Variants in PLCB1 observed in about 807,000 individuals in gnomAD.
PLCB1 encodes 1-phosphatidylinositol 4,5-bisphosphate phosphodiesterase beta-1.
A neutral mutation model predicts 161.8 loss-of-function variants in PLCB1; 46 were observed. That is an observed-to-expected ratio of 0.28 (90% CI 0.22 to 0.36). The LOEUF (loss-of-function observed/expected upper bound fraction) is 0.36. Among genes scored for constraint, PLCB1 ranks in the 10% least tolerant of loss-of-function variants. PLCB1 has a pLI of 1.00. For missense variants in PLCB1, 1,016 were observed against 1,472.5 expected (o/e 0.69, Z 5.07); for synonymous variants, 517 against 503.7 (o/e 1.03, Z -0.35).
intron 11 of PLCB1, among the ~76,000 whole-genome samples, chr20:8,702,460 G>C (rs1395550849): frequency 6.6e-6 from 1 of 152,140 alleles, no homozygotes; most frequent in African/African-American, 2.4e-5. Flanking sequence ...TATTAAATTA[G>C]AGTAGGTTAA....
chr20:8,260,555 G>A (rs1449942080), intron 2 of PLCB1, among the ~76,000 whole-genome samples: 2 of 152,102 alleles, frequency 1.3e-5, no homozygotes, highest in East Asian at 3.9e-4. Flanking sequence ...ACCACTTGCA[G>A]GATGGCCTGT....
At chr20:8,236,771 G>A (rs1980350167) in intron 2 of PLCB1, among the ~76,000 whole-genome samples, 1 of 151,884 alleles carries the variant, frequency 6.6e-6, no homozygotes, top group Non-Finnish European at 1.5e-5. Context: ...TTCTGTACTA[G>A]CCTTTATAAA....
At chr20:8,580,040 T>C (rs1003449038) in intron 3 of PLCB1, among the ~76,000 whole-genome samples, 3 of 152,146 alleles carry the variant, frequency 2.0e-5, no homozygotes, top group African/African-American at 7.2e-5. Context: ...CAGTAGAATA[T>C]TGGCCCTGAG....
At chr20:8,238,998 T>C (rs966414079) in intron 2 of PLCB1, among the ~76,000 whole-genome samples, 1 of 151,650 alleles carries the variant, frequency 6.6e-6, no homozygotes, top group African/African-American at 2.4e-5. Flanking sequence ...AGCATGTCTT[T>C]AGGTAGAGCA....
intron 24 of PLCB1, 79 bp downstream of exon 24, chr20:8,757,257 G>A: frequency 7.0e-7 from 1 of 1,427,512 alleles, no homozygotes; most frequent in Non-Finnish European, 9.4e-7. Context: ...GCGCTGTGAT[G>A]TGGGTAGCTA....
intron 3 of PLCB1, among the ~76,000 whole-genome samples, chr20:8,533,834 A>G (rs1489401844): frequency 1.3e-5 from 2 of 151,930 alleles, no homozygotes; most frequent in African/African-American, 4.8e-5. Flanking sequence ...CTCTGATGGT[A>G]GTTTCTTTTG....
intron 2 of PLCB1, among the ~76,000 whole-genome samples, chr20:8,349,463 T>C (rs1389380058): frequency 6.6e-6 from 1 of 152,220 alleles, no homozygotes; most frequent in Non-Finnish European, 1.5e-5. Flanking sequence ...AGGAAAATTG[T>C]GCAATTAGTG....
At chr20:8,683,657 A>G (rs990396057) in intron 9 of PLCB1, among the ~76,000 whole-genome samples, 5 of 152,186 alleles carry the variant, frequency 3.3e-5, no homozygotes, top group Admixed American at 3.3e-4. Context: ...AATTTTGTCA[A>G]TATTTAGTAT....
At chr20:8,409,341 A>G (rs1359058527) in intron 3 of PLCB1, among the ~76,000 whole-genome samples, 2 of 152,216 alleles carry the variant, frequency 1.3e-5, no homozygotes, top group African/African-American at 4.8e-5. Context: ...CCCATTCCAC[A>G]TAAACAACAT....
chr20:8,145,716 C>T lies in PLCB1; in HGVS notation c.100-4578C>T, dbSNP rs1187464331. Among the ~76,000 whole-genome samples the T allele has an allele frequency of 3.3e-5, 5 of 152,264 alleles. No homozygotes were observed. In the East Asian group the frequency reaches 9.6e-4, roughly 29 times the overall value. ...GAAGGTTTGGAGTTGCCCTGCCTAA[C>T]AGAAATATAGCGTGAGCCACACAGG... is the stretch of plus-strand genomic sequence containing the variant. On this transcript the variant is annotated intron_variant, in intron 1 of 31. Transcript: ENST00000338037.
intron 3 of PLCB1, among the ~76,000 whole-genome samples, chr20:8,613,384 G>C (rs1987955050): frequency 6.6e-6 from 1 of 152,170 alleles, no homozygotes; most frequent in African/African-American, 2.4e-5. Context: ...GACAACATTT[G>C]GGTACTGAAC....
chr20:8,823,591 T>C (rs1372349591), intron 31 of PLCB1, among the ~76,000 whole-genome samples: 1 of 152,220 alleles, frequency 6.6e-6, no homozygotes, highest in Non-Finnish European at 1.5e-5. Context: ...TTATACCATA[T>C]TCAACTATTG....
intron 3 of PLCB1, among the ~76,000 whole-genome samples, chr20:8,427,704 A>G (rs1345807766): frequency 1.3e-5 from 2 of 152,098 alleles, no homozygotes; most frequent in Non-Finnish European, 2.9e-5. Flanking sequence ...GGGATTCTTG[A>G]TTGGTTGGAG....
At chr20:8,748,850 G>A (rs933547556) in intron 23 of PLCB1, among the ~76,000 whole-genome samples, 11 of 152,306 alleles carry the variant, frequency 7.2e-5, no homozygotes, top group Middle Eastern at 3.4e-3. Flanking sequence ...GGGTAACTAT[G>A]TGAGATGATG....
intron 3 of PLCB1, among the ~76,000 whole-genome samples, chr20:8,528,929 A>T (rs1331633695): frequency 6.6e-6 from 1 of 152,066 alleles, no homozygotes; most frequent in Non-Finnish European, 1.5e-5. Context: ...TGTGAGGAGA[A>T]GCTGCTAACT....
Position 8,577,263 on chromosome 20 carries a change from A to G in PLCB1, c.247-51031A>G, listed in dbSNP as rs1600164921. Among the ~76,000 whole-genome samples, 3 of 148,550 alleles carry G rather than the reference A, an allele frequency of 2.0e-5. No individual in the cohort carries two copies. In the East Asian group the frequency reaches 6.0e-4, roughly 30 times the overall value. On this transcript the variant is annotated intron_variant, in intron 3 of 31. Transcript: ENST00000338037. Reference sequence around the variant, plus strand: ...GCTAACATGGTGAAACCCCGTCTCTATTAAAAATACAAAAAAAAAAAAAAA... The same window carrying G: ...GCTAACATGGTGAAACCCCGTCTCTGTTAAAAATACAAAAAAAAAAAAAAA...
At chr20:8,453,261 G>A (rs1981154452) in intron 3 of PLCB1, among the ~76,000 whole-genome samples, 1 of 152,222 alleles carries the variant, frequency 6.6e-6, no homozygotes, top group African/African-American at 2.4e-5. Flanking sequence ...TGGAAGGTGA[G>A]CAATAACAGT....
intron 16 of PLCB1, among the ~76,000 whole-genome samples, chr20:8,726,756 T>C (rs1334805290): frequency 8.5e-5 from 13 of 152,062 alleles, no homozygotes; most frequent in Non-Finnish European, 1.3e-4. Context: ...GTATCTAATA[T>C]GAAAATGAAG....
chr20:8,474,024 C>T (rs1982164588), intron 3 of PLCB1, among the ~76,000 whole-genome samples: 1 of 152,114 alleles, frequency 6.6e-6, no homozygotes, highest in Non-Finnish European at 1.5e-5. Flanking sequence ...TGACTCTTGC[C>T]TGTCTCTCAC....
Sources: allele counts gnomAD v4.1 joint callset (sites outside exome capture counted in the v4.1 genomes callset), GRCh38; gene constraint gnomAD v4.1.1; transcripts MANE v1.5; gene names NCBI Gene and HGNC (gene_info 2026-07-23, HGNC 2026-07-21).